The following ADARB2 variants were observed in gnomAD, a reference collection of about 807,000 sequenced individuals.
ADARB2 encodes inactive double-stranded RNA-specific editase B2.
ADARB2 carries 25 observed loss-of-function variants against 62.2 expected under a neutral mutation model. The ratio of observed to expected loss-of-function variants is 0.40; its 90% confidence interval spans 0.29 to 0.56. ADARB2 has a LOEUF of 0.56. Among genes scored for constraint, ADARB2 ranks in the 20% least tolerant of loss-of-function variants. ADARB2 has a pLI of 0.43. For missense variants in ADARB2, 1,071 were observed against 1,077.4 expected, an observed-to-expected ratio of 0.99 and a Z score of 0.08; for synonymous variants, 572 against 500.8, an observed-to-expected ratio of 1.14 and a Z score of -1.90.
chr10:1,467,252 A>G (rs1373367265), intron 1 of ADARB2, among the ~76,000 whole-genome samples: 2 of 152,196 alleles, frequency 1.3e-5, no homozygotes, highest in Non-Finnish European at 2.9e-5. Context: ...GAAATGCACA[A>G]GATTCAGGGA....
chr10:1,676,731 G>A lies in ADARB2; in HGVS notation c.100+60320C>T, dbSNP rs183035336. 1.1e-4 allele frequency among the ~76,000 whole-genome samples: 16 copies of A among 152,244 alleles called. No homozygotes were observed. In the East Asian group the frequency reaches 3.1e-3, roughly 29 times the overall value. ...GGGTCTTAGAAATATTTAGGTGATT[G>A]TTTAAAAACTTCCAAAGACCCTACT... is the stretch of plus-strand genomic sequence containing the variant. On this transcript the variant is annotated intron_variant, in intron 1 of 9. Coordinates refer to ENST00000381312, the MANE Select transcript of ADARB2 (RefSeq NM_018702.4).
At chr10:1,328,446 A>C (rs1350109911) in intron 3 of ADARB2, among the ~76,000 whole-genome samples, 2 of 152,244 alleles carry the variant, frequency 1.3e-5, no homozygotes, top group East Asian at 3.8e-4. Context: ...TGAAATGAGC[A>C]GACACTACCT....
chr10:1,562,907 T>C (rs539351029), intron 1 of ADARB2, among the ~76,000 whole-genome samples: 139 of 152,370 alleles, frequency 9.1e-4, no homozygotes, highest in African/African-American at 3.2e-3. Flanking sequence ...GTTATTACTA[T>C]TCTTCCTCTT....
intron 1 of ADARB2, among the ~76,000 whole-genome samples, chr10:1,382,936 G>A (rs770218287): frequency 3.9e-5 from 6 of 152,182 alleles, no homozygotes; most frequent in Admixed American, 3.3e-4. Context: ...CATCGAATAT[G>A]GACCAGCTGG....
At chr10:1,222,295 T>G (rs1440476985) in intron 6 of ADARB2, among the ~76,000 whole-genome samples, 1 of 152,234 alleles carries the variant, frequency 6.6e-6, no homozygotes, top group Non-Finnish European at 1.5e-5. Context: ...TTTGAGTTCA[T>G]TGTAGATTCT....
rs902167061 is a variant in ADARB2 at position 1,398,875 on chromosome 10, G to T, written c.101-19715C>A. Among the ~76,000 whole-genome samples the T allele has an allele frequency of 6.6e-6, 1 of 152,122 alleles. No individual in the cohort carries two copies. Among genetic ancestry groups the T allele is most frequent in the Non-Finnish European group, 1.5e-5 (1 of 68,026 alleles). On this transcript the variant is annotated intron_variant, in intron 1 of 9. Coordinates refer to ENST00000381312, the MANE Select transcript of ADARB2 (RefSeq NM_018702.4). The surrounding 1 kb of genome is among the most constrained non-coding windows in gnomAD (Gnocchi z 4.1). ...ACGAGGTTGCTGGGGGAAACAGACCGCTCTGTCTTTGGGGTCTTGATGGGT... is the reference window on the plus strand; with the variant it reads ...ACGAGGTTGCTGGGGGAAACAGACCTCTCTGTCTTTGGGGTCTTGATGGGT...
At chr10:1,530,920 CACTCAGCACCCAGCACTCAGGTCTCAGT>C (rs1188000570) in intron 1 of ADARB2, among the ~76,000 whole-genome samples, 1 of 151,730 alleles carries the variant, frequency 6.6e-6, no homozygotes. Flanking sequence ...CAGGTCTCAG[CACTCAGCACCCAGCACTCAGGTCTCAGT>C]ACTCAGCACG....
intron 1 of ADARB2, among the ~76,000 whole-genome samples, chr10:1,713,443 G>C (rs543093902): frequency 6.6e-6 from 1 of 152,302 alleles, no homozygotes; most frequent in African/African-American, 2.4e-5. Context: ...CTTGGTGAAG[G>C]AGGTGGGAAA....
intron 4 of ADARB2, among the ~76,000 whole-genome samples, chr10:1,254,083 G>A (rs1185555708): frequency 3.3e-5 from 5 of 151,824 alleles, no homozygotes; most frequent in African/African-American, 1.2e-4. Flanking sequence ...TGGTTAGGAT[G>A]CCGCGGTCTC....
rs868029238 is a variant in ADARB2 at position 1,586,686 on chromosome 10, C to T, written c.100+150365G>A. On this transcript the variant is annotated intron_variant, in intron 1 of 9. Coordinates refer to ENST00000381312, the MANE Select transcript of ADARB2 (RefSeq NM_018702.4). ...AGAAAACAAGGAAAACCGACTCCTTCCTACACAGAGAATAGATTCCTGGAT... is the reference window on the plus strand; with the variant it reads ...AGAAAACAAGGAAAACCGACTCCTTTCTACACAGAGAATAGATTCCTGGAT... Among the ~76,000 whole-genome samples, 12 of 152,166 alleles carry T rather than the reference C, an allele frequency of 7.9e-5. 1 individual carries two copies. The highest frequency in any genetic ancestry group is 7.2e-4 in the Admixed American group (11 of 15,286).
chr10:1,664,416 C>A (rs1394285253), intron 1 of ADARB2, among the ~76,000 whole-genome samples: 1 of 152,212 alleles, frequency 6.6e-6, no homozygotes, highest in African/African-American at 2.4e-5. Flanking sequence ...ATCCTGCACT[C>A]CCACCAGCAA....
At chr10:1,677,755 A>G (rs918804183) in intron 1 of ADARB2, among the ~76,000 whole-genome samples, 7 of 152,152 alleles carry the variant, frequency 4.6e-5, no homozygotes, top group Admixed American at 2.0e-4. Flanking sequence ...TGGCTCCTGC[A>G]CCTGCCCTGG....
intron 3 of ADARB2, among the ~76,000 whole-genome samples, chr10:1,343,327 G>A (rs1832049522): frequency 6.6e-6 from 1 of 152,124 alleles, no homozygotes; most frequent in Non-Finnish European, 1.5e-5. Flanking sequence ...CCATCTCACA[G>A]CCGTCAGAAT....
intron 7 of ADARB2, among the ~76,000 whole-genome samples, chr10:1,204,249 A>G (rs1212778398): frequency 6.6e-6 from 1 of 152,148 alleles, no homozygotes; most frequent in East Asian, 1.9e-4. Flanking sequence ...GGGGCCTTTC[A>G]AGGTGAAATA....
At chr10:1,367,679 C>G (rs1315789048) in intron 2 of ADARB2, among the ~76,000 whole-genome samples, 1 of 152,180 alleles carries the variant, frequency 6.6e-6, no homozygotes, top group Admixed American at 6.5e-5. Flanking sequence ...CAACCCCATA[C>G]CAGATTGCAT....
intron 7 of ADARB2, 33 bp downstream of exon 7, chr10:1,216,918 C>G (rs1431007024): frequency 1.5e-5 from 24 of 1,591,338 alleles, no homozygotes; most frequent in Non-Finnish European, 2.0e-5. Flanking sequence ...CCGGCCGCAG[C>G]CAACATCCTC....
At chr10:1,458,605 C>T (rs150661738) in intron 1 of ADARB2, among the ~76,000 whole-genome samples, 251 of 152,304 alleles carry the variant, frequency 1.6e-3, no homozygotes, top group Non-Finnish European at 2.6e-3. Context: ...GGGGGTCCAC[C>T]GCTATGGCTT....
chr10:1,331,786 G>C (rs886884436), intron 3 of ADARB2, among the ~76,000 whole-genome samples: 1 of 152,190 alleles, frequency 6.6e-6, no homozygotes, highest in Non-Finnish European at 1.5e-5. Context: ...ATCAGTAAAA[G>C]TTCTAGATTT....
chr10:1,341,175 ATGTGCCCCACAG>A (rs1832022956), intron 3 of ADARB2, among the ~76,000 whole-genome samples: 1 of 140,768 alleles, frequency 7.1e-6, no homozygotes, highest in African/African-American at 2.7e-5. Context: ...CCAGAGAACC[ATGTGCCCCACAG>A]CGGCAATAAC....
Sources: allele counts gnomAD v4.1 joint callset (sites outside exome capture counted in the v4.1 genomes callset), GRCh38; gene constraint gnomAD v4.1.1; non-coding constraint Gnocchi (gnomAD v3.1); transcripts MANE v1.5; gene names NCBI Gene and HGNC (gene_info 2026-07-23, HGNC 2026-07-21).